The following PEX13 variants were observed in gnomAD, a reference collection of about 807,000 sequenced individuals.
PEX13 encodes peroxisome biogenesis factor 13.
Under a neutral mutation model 34.5 loss-of-function variants are expected in PEX13, and 28 were observed. The observed-to-expected ratio is 0.81, with a 90% CI of 0.60 to 1.11. PEX13 has a LOEUF of 1.11. Among genes scored for constraint, PEX13 ranks in the 50% most tolerant of loss-of-function variants. PEX13 has a pLI of 0.00. For missense variants in PEX13, 550 were observed against 491.0 expected (o/e 1.12, Z -1.13); for synonymous variants, 177 against 175.1 (o/e 1.01, Z -0.09).
At chr2:61,024,219 C>A (rs1680313375) in intron 1 of PEX13, among the ~76,000 whole-genome samples, 1 of 152,244 alleles carries the variant, frequency 6.6e-6, no homozygotes, top group South Asian at 2.1e-4. Context: ...TCAGTGTGGT[C>A]TTCTTTGTAT....
intron 1 of PEX13, chr2:61,018,141 C>G (rs1227029162): frequency 1.9e-6 from 3 of 1,550,160 alleles, no homozygotes; most frequent in Admixed American, 3.9e-5. Context: ...CTACCTACCG[C>G]TTCTGTTTTC....
chr2:61,022,049 G>A (rs541622652), intron 1 of PEX13, among the ~76,000 whole-genome samples: 3 of 152,306 alleles, frequency 2.0e-5, no homozygotes, highest in African/African-American at 7.2e-5. Context: ...ACCAAAGGTA[G>A]ATAAAACCAC....
At chr2:61,018,271 C>T (rs1042462896) in intron 1 of PEX13, 11 of 1,550,766 alleles carry the variant, frequency 7.1e-6, no homozygotes, top group East Asian at 2.4e-5. Flanking sequence ...AAGGTGTTAA[C>T]CTCTCGAGAA....
In PEX13 at chr2:61,040,255, T is replaced by G. The variant is rs373271458; in HGVS notation, c.788-5471T>G. ...TACTGGGTATATATCCAAAGGATTATAAATCGTGCTACTATAAAGACACAT... is the reference window on the plus strand; with the variant it reads ...TACTGGGTATATATCCAAAGGATTAGAAATCGTGCTACTATAAAGACACAT... On this transcript the variant is annotated intron_variant, in intron 2 of 3. Coordinates refer to ENST00000295030, the MANE Select transcript of PEX13 (RefSeq NM_002618.4). 5.9e-5 allele frequency among the ~76,000 whole-genome samples: 9 copies of G among 152,324 alleles called. No individual in the cohort carries two copies. The East Asian group carries it at 7.7e-4, about 13-fold the overall frequency.
intron 1 of PEX13, among the ~76,000 whole-genome samples, chr2:61,030,252 AT>A (rs1429204705): frequency 6.6e-6 from 1 of 152,176 alleles, no homozygotes; most frequent in Non-Finnish European, 1.5e-5. Flanking sequence ...ACTAAAATTT[AT>A]TTGTAATCTG....
intron 1 of PEX13, among the ~76,000 whole-genome samples, chr2:61,022,199 G>T (rs1279112593): frequency 6.6e-6 from 1 of 152,178 alleles, no homozygotes. Context: ...GACAGAAGTA[G>T]GCTTCAGAAG....
intron 1 of PEX13, among the ~76,000 whole-genome samples, chr2:61,030,635 A>G (rs1423484422): frequency 1.3e-5 from 2 of 152,238 alleles, no homozygotes; most frequent in Non-Finnish European, 2.9e-5. Flanking sequence ...TAATGAGTTA[A>G]CAATATACCT....
At chr2:61,022,514 C>G (rs963007879) in intron 1 of PEX13, among the ~76,000 whole-genome samples, 5 of 152,192 alleles carry the variant, frequency 3.3e-5, no homozygotes, top group African/African-American at 7.2e-5. Context: ...ATTGTTGAAC[C>G]ATCCTTGCAT....
intron 2 of PEX13, among the ~76,000 whole-genome samples, chr2:61,034,791 C>G (rs2104805544): frequency 6.6e-6 from 1 of 152,322 alleles, no homozygotes; most frequent in South Asian, 2.1e-4. Context: ...TTGAGTAGCT[C>G]ACAGTGTAAA....
At chr2:61,018,077 A>T in intron 1 of PEX13, 1 of 1,504,074 alleles carries the variant, frequency 6.6e-7, no homozygotes, top group South Asian at 1.3e-5. Context: ...TTTTTTCGGG[A>T]GCTCCTGGGC....
intron 1 of PEX13, chr2:61,018,436 G>A: frequency 1.0e-6 from 1 of 983,084 alleles, no homozygotes; most frequent in East Asian, 2.7e-5. Flanking sequence ...GATGGACTTT[G>A]TGTGCAAAAT....
chr2:61,045,850 A>T lies in PEX13; in HGVS notation c.912A>T (p.Lys304Asn), dbSNP rs1460703366. The change falls in exon 3 of 4, where the codon AAA (lysine) becomes AAT (asparagine). Residue 304 changes from lysine to asparagine, a missense_variant and splice_region_variant. By Grantham distance (94) the Lys-to-Asn change is moderately conservative (BLOSUM62 0). Coordinates refer to ENST00000295030, the MANE Select transcript of PEX13 (RefSeq NM_002618.4). ...RAGDMLNLAL[K>N]EQQPKVRGWL... ...GTGATATGCTGAACTTAGCTCTCAA[A>T]GGTAATAAATTATGAATAAGTTGGA... is the stretch of plus-strand genomic sequence containing the variant. 6.2e-7 allele frequency: 1 copy of T among 1,611,068 alleles called. No individual in the cohort carries two copies. The highest frequency in any genetic ancestry group is 1.3e-5 in the African/African-American group (1 of 74,870).
rs752731124 is a variant in PEX13 at position 61,024,448 on chromosome 2, G to A, written c.92+6597G>A. ...TTCTGTTTCTTATGCTTCATTCTGG[G>A]TATTTTCTTCCCATCTCTTTCCTAG... On this transcript the variant is annotated intron_variant, in intron 1 of 3. Transcript: ENST00000295030. Among the ~76,000 whole-genome samples, 7 of 152,058 alleles carry A rather than the reference G, an allele frequency of 4.6e-5. No individual in the cohort carries two copies. In the East Asian group the frequency reaches 5.8e-4, roughly 13 times the overall value.
intron 1 of PEX13, among the ~76,000 whole-genome samples, chr2:61,019,565 A>G (rs977100615): frequency 2.0e-5 from 3 of 152,194 alleles, no homozygotes; most frequent in Non-Finnish European, 2.9e-5. Flanking sequence ...CATTTAATCC[A>G]CATGGAACTG....
chr2:61,019,773 A>G (rs1379553374), intron 1 of PEX13, among the ~76,000 whole-genome samples: 1 of 152,148 alleles, frequency 6.6e-6, no homozygotes, highest in Non-Finnish European at 1.5e-5. Flanking sequence ...ATAAGTCTTG[A>G]TATGTAGTAT....
intron 3 of PEX13, among the ~76,000 whole-genome samples, 179 bp downstream of exon 3, chr2:61,046,030 A>G (rs576719552): frequency 3.3e-4 from 51 of 152,328 alleles, no homozygotes; most frequent in African/African-American, 1.1e-3. Context: ...GAAATGCCCC[A>G]GCAGAGTTAT....
rs1360837689 is a variant in PEX13 at position 61,017,922 on chromosome 2, C to A, written c.92+71C>A. The A allele has an allele frequency of 2.0e-6, 3 of 1,464,912 alleles. No homozygotes were observed. The East Asian group carries it at 7.4e-5, about 36-fold the overall frequency. The allele number at this position is 1,464,912 out of a possible 1,614,324, so 90.7% of individuals were successfully genotyped here. On this transcript the variant is annotated intron_variant, in intron 1 of 3. Transcript: ENST00000295030. ...GGGACTTGGCAGGAGGCGGTTGTAGCGGTTGTTAGTGGAGGTATTCCCTTC... is the reference window on the plus strand; with the variant it reads ...GGGACTTGGCAGGAGGCGGTTGTAGAGGTTGTTAGTGGAGGTATTCCCTTC...
At chr2:61,029,813 T>TA (rs546036099) in intron 1 of PEX13, among the ~76,000 whole-genome samples, 3,232 of 143,338 alleles carry the variant, frequency 0.023, 48 homozygotes, top group South Asian at 0.034. Context: ...CCCTGTCTCT[T>TA]AAAAAAAAAA....
Position 61,031,734 on chromosome 2 carries a change from T to A in PEX13, c.408T>A (p.Ile136=), listed in dbSNP as rs145776973. The change falls in exon 2 of 4, where the codon ATT becomes ATA. Residue 136 remains isoleucine, a synonymous_variant. Transcript: ENST00000295030. ...SRGAFQSIES[I]VHAFASVSMM... is the part of the protein sequence containing the mutation. ...GTGCATTTCAGTCCATTGAAAGTAT[T>A]GTGCATGCATTTGCCTCTGTCAGTA... 17 of 1,614,232 alleles carry A rather than the reference T, an allele frequency of 1.1e-5. No homozygotes were observed. In the African/African-American group the frequency reaches 2.3e-4, roughly 22 times the overall value.
Sources: gnomAD v4.1 joint callset for allele counts (sites outside exome capture counted in the v4.1 genomes callset) on GRCh38, gnomAD v4.1.1 for gene constraint, MANE v1.5 for transcripts, NCBI Gene and HGNC (gene_info 2026-07-23, HGNC 2026-07-21) for gene names.